Variants in NDUFB6 observed in about 807,000 individuals in gnomAD.
NDUFB6 encodes NADH:ubiquinone oxidoreductase subunit B6.
A neutral mutation model predicts 17.5 loss-of-function variants in NDUFB6; 23 were observed. That is an observed-to-expected ratio of 1.31 (90% CI 0.94 to 1.86). The LOEUF is 1.86. Ranked by LOEUF, NDUFB6 falls within the 40% of genes most tolerant of loss-of-function variation. The pLI, the probability that NDUFB6 is intolerant of heterozygous loss-of-function variation, is 0.00. For missense variants in NDUFB6, 167 were observed against 153.8 expected (o/e 1.09, Z -0.46); for synonymous variants, 60 against 53.5 (o/e 1.12, Z -0.53).
intron 2 of NDUFB6, among the ~76,000 whole-genome samples, chr9:32,564,420 G>A (rs536485435): frequency 4.0e-5 from 6 of 151,826 alleles, no homozygotes; most frequent in African/African-American, 1.2e-4. Flanking sequence ...CCCGAGACAA[G>A]CAACTCTATC....
At chr9:32,562,353 G>C (rs1218073062) in intron 2 of NDUFB6, among the ~76,000 whole-genome samples, 1 of 152,098 alleles carries the variant, frequency 6.6e-6, no homozygotes, top group Non-Finnish European at 1.5e-5. Flanking sequence ...ACGGAACAAA[G>C]ATGTCAGCAA....
chr9:32,565,570 A>G (rs1463402014), intron 2 of NDUFB6: 1 of 152,316 alleles, frequency 6.6e-6, no homozygotes, highest in East Asian at 1.9e-4. Flanking sequence ...ACCAGAGAAC[A>G]GAAGAATTCC....
intron 3 of NDUFB6, among the ~76,000 whole-genome samples, chr9:32,555,505 CTG>C (rs1217181788): frequency 6.6e-6 from 1 of 152,196 alleles, no homozygotes; most frequent in African/African-American, 2.4e-5. Context: ...AAGCTGGTAA[CTG>C]TGTATAGGAA....
chr9:32,568,082 A>G (rs1821850072), intron 2 of NDUFB6: 1 of 167,360 alleles, frequency 6.0e-6, no homozygotes, highest in South Asian at 2.1e-4. Flanking sequence ...GATTCCTCTG[A>G]TGGATCTAGG....
chr9:32,566,972 G>C (rs1821812853), intron 2 of NDUFB6: 4 of 510,526 alleles, frequency 7.8e-6, no homozygotes, highest in Non-Finnish European at 1.5e-5. Flanking sequence ...GCATCGTCGA[G>C]GACGCTTCGG....
At chr9:32,572,845 A>G (rs1821972753) in intron 1 of NDUFB6, 36 bp downstream of exon 1, 2 of 1,500,600 alleles carry the variant, frequency 1.3e-6, no homozygotes, top group African/African-American at 2.8e-5. Flanking sequence ...CAGCAGTGGG[A>G]TGTGTTGGGG....
At chr9:32,570,091 T>C (rs1821906294) in intron 2 of NDUFB6, among the ~76,000 whole-genome samples, 1 of 152,192 alleles carries the variant, frequency 6.6e-6, no homozygotes, top group Admixed American at 6.5e-5. Context: ...CCAGCATTAA[T>C]ACCTGCCTCA....
At position 32,566,450 on chromosome 9, in the gene NDUFB6, T is replaced by C. The variant is rs553745078; in HGVS notation, c.273+4510A>G. 1.1e-4 allele frequency: 88 copies of C among 818,666 alleles called. No homozygotes were observed. In the African/African-American group the frequency reaches 1.2e-3, roughly 11 times the overall value. 50.7% of individuals were successfully genotyped at this position (818,666 alleles called of 1,614,324 possible). ...TTACTGTAGGGGTTGATGGAGTATC[T>C]TGACAAGCAGCCGTCCATGTCGAAG... is the stretch of plus-strand genomic sequence containing the variant. On this transcript the variant is annotated intron_variant, in intron 2 of 3. Coordinates refer to ENST00000379847, the MANE Select transcript of NDUFB6 (RefSeq NM_002493.5).
rs930616345 is a variant in NDUFB6, at chr9:32,553,258, G to T, written c.*618C>A. On this transcript the variant is annotated 3_prime_UTR_variant, in exon 4 of 4. Coordinates refer to ENST00000379847, the MANE Select transcript of NDUFB6 (RefSeq NM_002493.5). ...CGCCCAGGCTCAGTGGCACTATCTC[G>T]GCTTACTGCAAGCTCCGCCTTCTGG... 1 of 196,258 alleles carries T rather than the reference G, an allele frequency of 5.1e-6. No homozygotes were observed. The highest frequency in any genetic ancestry group is 1.1e-5 in the Non-Finnish European group (1 of 95,232). The allele number at this position is 196,258 out of a possible 1,614,324, so 12.2% of individuals were successfully genotyped here. A position where few individuals can be genotyped will look rare whatever the true frequency, so the allele number is the denominator to read the frequency against.
intron 2 of NDUFB6, among the ~76,000 whole-genome samples, chr9:32,569,434 G>A (rs1235842179): frequency 6.6e-6 from 1 of 151,962 alleles, no homozygotes; most frequent in African/African-American, 2.4e-5. Context: ...TGGCCAGGAT[G>A]GTCTCGATCT....
chr9:32,558,973 C>CA lies in NDUFB6; in HGVS notation c.274-20_274-19insT. ...GTTTTTCCTGTAATAAAAGTTAACT[C>CA]TGTGTTAATTATGGTGTTAAGAGTT... On this transcript the variant is annotated intron_variant, in intron 2 of 3. Coordinates refer to ENST00000379847, the MANE Select transcript of NDUFB6 (RefSeq NM_002493.5). The CA allele has an allele frequency of 6.4e-7, 1 of 1,551,470 alleles. No homozygotes were observed. The highest frequency in any genetic ancestry group is 8.9e-7 in the Non-Finnish European group (1 of 1,129,074).
At chr9:32,567,404 C>T (rs1271692654) in intron 2 of NDUFB6, 2 of 462,286 alleles carry the variant, frequency 4.3e-6, no homozygotes, top group South Asian at 3.1e-5. Flanking sequence ...TCTTGGCTCA[C>T]TGCAACCTCC....
At chr9:32,571,175 T>G (rs1821932294) in intron 1 of NDUFB6, 123 bp from the exon 2 acceptor site, 2 of 665,524 alleles carry the variant, frequency 3.0e-6, no homozygotes, top group Non-Finnish European at 5.1e-6. Flanking sequence ...TGGCACATAT[T>G]TTCTTATAGT....
rs556843084 is a variant in NDUFB6, at chr9:32,569,364, G to A, written c.273+1596C>T. Among the ~76,000 whole-genome samples the A allele has an allele frequency of 3.3e-5, 5 of 151,968 alleles. 1 individual carries two copies. The highest frequency in any genetic ancestry group is 4.8e-5 in the African/African-American group (2 of 41,418). On this transcript the variant is annotated intron_variant, in intron 2 of 3. Coordinates refer to ENST00000379847, the MANE Select transcript of NDUFB6 (RefSeq NM_002493.5). ...CTCCCGAATAGCTGGGACTACAGGC[G>A]CCCGCCACCATGCCCAGCTCATTTT... is the stretch of plus-strand genomic sequence containing the variant.
chr9:32,558,854 G>T, intron 3 of NDUFB6, 56 bp downstream of exon 3: 1 of 1,239,446 alleles, frequency 8.1e-7, no homozygotes, highest in Admixed American at 2.0e-5. Context: ...GGAAAGGGAG[G>T]AAAAGGAAAG....
intron 1 of NDUFB6, 105 bp downstream of exon 1, chr9:32,572,776 A>T: frequency 1.9e-6 from 2 of 1,079,318 alleles, no homozygotes; most frequent in South Asian, 1.7e-5. Context: ...CAGAGCACTG[A>T]GCGTTATCAG....
rs778501867 is a variant in NDUFB6 at position 32,567,090 on chromosome 9, G to T, written c.273+3870C>A. 145 of 486,804 alleles carry T rather than the reference G, an allele frequency of 3.0e-4. No individual in the cohort carries two copies. The Middle Eastern group carries it at 0.016, about 55-fold the overall frequency. 30.2% of individuals were successfully genotyped at this position (486,804 alleles called of 1,614,324 possible). On this transcript the variant is annotated intron_variant, in intron 2 of 3. Coordinates refer to ENST00000379847, the MANE Select transcript of NDUFB6 (RefSeq NM_002493.5). ...ATGCCAAACTTCCTCGGGCTGCACAGGGCCCGCAGCTTCACAGTCTTGTGC... is the reference window on the plus strand; with the variant it reads ...ATGCCAAACTTCCTCGGGCTGCACATGGCCCGCAGCTTCACAGTCTTGTGC...
intron 3 of NDUFB6, among the ~76,000 whole-genome samples, chr9:32,555,800 G>A (rs1821439813): frequency 6.6e-6 from 1 of 152,140 alleles, no homozygotes; most frequent in South Asian, 2.1e-4. Context: ...CAAACCCCCT[G>A]GACAGAGCCA....
In NDUFB6 at chr9:32,553,010, C is replaced by T; in HGVS notation, c.*866G>A. 1.7e-6 allele frequency: 1 copy of T among 593,456 alleles called. No homozygotes were observed. The highest frequency in any genetic ancestry group is 2.1e-5 in the South Asian group (1 of 48,634). 36.8% of individuals were successfully genotyped at this position (593,456 alleles called of 1,614,324 possible). ...AATAAAATTCATAATGCAAAGTTCC[C>T]AAGTTTATTTTTGCATTATCCTTTA... On this transcript the variant is annotated 3_prime_UTR_variant, in exon 4 of 4. Coordinates refer to ENST00000379847, the MANE Select transcript of NDUFB6 (RefSeq NM_002493.5).
Sources: gnomAD v4.1 joint callset for allele counts (sites outside exome capture counted in the v4.1 genomes callset) on GRCh38, gnomAD v4.1.1 for gene constraint, MANE v1.5 for transcripts, NCBI Gene and HGNC (gene_info 2026-07-23, HGNC 2026-07-21) for gene names.